SPAG16: variants seen among roughly 807,000 people sequenced by gnomAD.
The protein encoded by SPAG16 is sperm associated antigen 16, also known as sperm-associated antigen 16 protein.
A neutral mutation model predicts 80.4 loss-of-function variants in SPAG16; 86 were observed. The observed-to-expected ratio is 1.07, with a 90% CI of 0.90 to 1.28. The LOEUF is 1.28. SPAG16 is among the 50% of genes most tolerant of loss of function. SPAG16 has a pLI of 0.00. For synonymous variants in SPAG16, 294 were observed against 265.9 expected (o/e 1.11, Z -1.03); for missense variants, 870 against 765.3 (o/e 1.14, Z -1.61).
At chr2:214,338,526 T>A (rs182047016) in intron 15 of SPAG16, among the ~76,000 whole-genome samples, 23 of 151,892 alleles carry the variant, frequency 1.5e-4, no homozygotes, top group East Asian at 5.8e-4. Context: ...TAATAAAATT[T>A]AAAAAAAATC....
chr2:213,572,905 G>A (rs1213105581), intron 10 of SPAG16, among the ~76,000 whole-genome samples: 1 of 152,202 alleles, frequency 6.6e-6, no homozygotes, highest in African/African-American at 2.4e-5. Context: ...GTGGGCGTAG[G>A]ACCCTCCGAG....
chr2:213,465,276 C>T (rs1374769279), intron 9 of SPAG16, among the ~76,000 whole-genome samples: 2 of 152,078 alleles, frequency 1.3e-5, no homozygotes, highest in Non-Finnish European at 2.9e-5. Flanking sequence ...GCTTAAATGC[C>T]CCCATGAGGG....
chr2:213,637,227 T>A (rs1361020414), intron 10 of SPAG16, among the ~76,000 whole-genome samples: 1 of 152,228 alleles, frequency 6.6e-6, no homozygotes, highest in East Asian at 1.9e-4. Flanking sequence ...GATTTTTGTT[T>A]TAAATTCTGT....
At chr2:214,134,073 A>G (rs2054922100) in intron 14 of SPAG16, among the ~76,000 whole-genome samples, 1 of 152,212 alleles carries the variant, frequency 6.6e-6, no homozygotes, top group Admixed American at 6.5e-5. Flanking sequence ...AGTTGAAATC[A>G]TGGGAATACT....
chr2:214,155,553 G>A (rs2056176353), intron 15 of SPAG16, among the ~76,000 whole-genome samples: 1 of 151,896 alleles, frequency 6.6e-6, no homozygotes. Flanking sequence ...GCCCAGTCTG[G>A]TCTGGAACTC....
chr2:213,980,874 A>C (rs2045713016), intron 12 of SPAG16, among the ~76,000 whole-genome samples: 1 of 151,524 alleles, frequency 6.6e-6, no homozygotes, highest in Admixed American at 6.6e-5. Flanking sequence ...ACACCACTGC[A>C]CTACAGTCTA....
chr2:214,060,313 A>C (rs906110825), intron 13 of SPAG16, among the ~76,000 whole-genome samples: 1 of 152,220 alleles, frequency 6.6e-6, no homozygotes, highest in African/African-American at 2.4e-5. Context: ...CTTAGTTCCC[A>C]AACATTCCTT....
At chr2:214,304,054 A>G (rs116238294) in intron 15 of SPAG16, among the ~76,000 whole-genome samples, 2,510 of 152,086 alleles carry the variant, frequency 0.017, 68 homozygotes, top group African/African-American at 0.057. Flanking sequence ...GTTCCCCTCT[A>G]TATGTCCATG....
chr2:213,550,440 T>C (rs2125941725), intron 10 of SPAG16, among the ~76,000 whole-genome samples: 1 of 152,240 alleles, frequency 6.6e-6, no homozygotes, highest in Middle Eastern at 3.4e-3. Context: ...CTTTAGCAAT[T>C]CATTTGGTTC....
intron 15 of SPAG16, among the ~76,000 whole-genome samples, chr2:214,345,768 T>C (rs918348856): frequency 1.3e-5 from 2 of 152,242 alleles, no homozygotes; most frequent in East Asian, 3.9e-4. Flanking sequence ...TATTATATTA[T>C]AATAACAGGC....
chr2:214,178,417 C>CA (rs937383749), intron 15 of SPAG16, among the ~76,000 whole-genome samples: 7 of 150,998 alleles, frequency 4.6e-5, no homozygotes, highest in Non-Finnish European at 7.4e-5. Context: ...GGTGGTTGAA[C>CA]AAAAAATACT....
intron 15 of SPAG16, among the ~76,000 whole-genome samples, chr2:214,179,625 G>A (rs1216820483): frequency 6.6e-6 from 1 of 151,340 alleles, no homozygotes; most frequent in Admixed American, 6.6e-5. Flanking sequence ...AACTTAAGAG[G>A]TGAAATAAAA....
chr2:214,234,293 G>T (rs1376875519), intron 15 of SPAG16, among the ~76,000 whole-genome samples: 1 of 151,776 alleles, frequency 6.6e-6, no homozygotes, highest in African/African-American at 2.4e-5. Context: ...TATCATTGAT[G>T]GGCATTTAGG....
intron 12 of SPAG16, among the ~76,000 whole-genome samples, chr2:213,984,810 A>G (rs1340209673): frequency 2.0e-5 from 3 of 152,040 alleles, no homozygotes; most frequent in African/African-American, 7.2e-5. Context: ...TGACGCCACT[A>G]GCCTCTGCAG....
chr2:213,383,278 T>C (rs1230774366), intron 9 of SPAG16, among the ~76,000 whole-genome samples: 4 of 152,178 alleles, frequency 2.6e-5, no homozygotes, highest in Non-Finnish European at 4.4e-5. Flanking sequence ...ATATTATTCC[T>C]ATTATTATAG....
intron 10 of SPAG16, among the ~76,000 whole-genome samples, chr2:213,819,942 T>G (rs994104834): frequency 8.6e-5 from 2 of 23,244 alleles, no homozygotes; most frequent in Non-Finnish European, 1.8e-4. Context: ...ATTTTTCGTG[T>G]TTTTTTTTTT....
chr2:213,390,726 C>A (rs1433432003), intron 9 of SPAG16, among the ~76,000 whole-genome samples: 2 of 152,108 alleles, frequency 1.3e-5, no homozygotes, highest in African/African-American at 2.4e-5. Flanking sequence ...AGAAAAATAT[C>A]TTTTGCTGAA....
At chr2:213,806,577 A>C (rs1157456554) in intron 10 of SPAG16, among the ~76,000 whole-genome samples, 2 of 152,130 alleles carry the variant, frequency 1.3e-5, no homozygotes, top group Non-Finnish European at 2.9e-5. Flanking sequence ...GATATGTTTT[A>C]ATGAATGCAG....
At chr2:214,376,040 A>G (rs556191445) in intron 15 of SPAG16, among the ~76,000 whole-genome samples, 1 of 152,210 alleles carries the variant, frequency 6.6e-6, no homozygotes, top group African/African-American at 2.4e-5. Context: ...CAGTTTTTAA[A>G]GCAGTAGCAT....
Sources: allele counts gnomAD v4.1 joint callset (sites outside exome capture counted in the v4.1 genomes callset), GRCh38; gene constraint gnomAD v4.1.1; transcripts MANE v1.5; gene names NCBI Gene and HGNC (gene_info 2026-07-23, HGNC 2026-07-21).